Variants in TNRC18 observed in about 807,000 individuals in gnomAD.
TNRC18 encodes trinucleotide repeat-containing gene 18 protein.
Under a neutral mutation model 226.7 loss-of-function variants are expected in TNRC18, and 69 were observed. That is an observed-to-expected ratio of 0.30 (90% CI 0.25 to 0.37). The LOEUF (loss-of-function observed/expected upper bound fraction) is 0.37. Ranked by LOEUF, TNRC18 falls within the 10% of genes least tolerant of loss-of-function variation. TNRC18 has a pLI of 1.00. For synonymous variants in TNRC18, 2,449 were observed against 1,927.6 expected (o/e 1.27, Z -7.09); for missense variants, 4,754 against 4,256.6 (o/e 1.12, Z -3.25).
At chr7:5,393,011 C>CA (rs1344612844) in intron 3 of TNRC18, among the ~76,000 whole-genome samples, 5 of 151,998 alleles carry the variant, frequency 3.3e-5, no homozygotes, top group South Asian at 4.2e-4. Context: ...GACCCTGTCT[C>CA]AAAAAAAAGG....
chr7:5,402,067 T>C (rs1781134086), intron 2 of TNRC18, among the ~76,000 whole-genome samples: 1 of 150,820 alleles, frequency 6.6e-6, no homozygotes, highest in African/African-American at 2.4e-5. Flanking sequence ...TAGTCCCAGC[T>C]ACTCCGGAGG....
chr7:5,393,392 A>T (rs566952498), intron 3 of TNRC18, among the ~76,000 whole-genome samples: 1 of 152,338 alleles, frequency 6.6e-6, no homozygotes, highest in East Asian at 1.9e-4. Context: ...TACTGTAAGG[A>T]CTGGATGGGG....
In TNRC18 at chr7:5,315,156, G is replaced by A; in HGVS notation, c.6863-8C>T. 3 of 1,610,514 alleles carry A rather than the reference G, an allele frequency of 1.9e-6. No homozygotes were observed. Among genetic ancestry groups the A allele is most frequent in the Non-Finnish European group, 8.5e-7 (1 of 1,178,948 alleles). On this transcript the variant is annotated splice_polypyrimidine_tract_variant and splice_region_variant and intron_variant, in intron 25 of 29. Transcript: ENST00000430969. ...CCGGGGACGGCTCAGCACCTGTGGGGCAGAGGACAGAGTGGCTCATCAGGC... is the reference window on the plus strand; with the variant it reads ...CCGGGGACGGCTCAGCACCTGTGGGACAGAGGACAGAGTGGCTCATCAGGC...
rs762004224 is a variant in TNRC18 at position 5,343,474 on chromosome 7, G to T, written c.5719+2088C>A. Among the ~76,000 whole-genome samples, 7 of 152,338 alleles carry T rather than the reference G, an allele frequency of 4.6e-5. No homozygotes were observed. The South Asian group carries it at 6.2e-4, about 14-fold the overall frequency. On this transcript the variant is annotated intron_variant, in intron 18 of 29. Coordinates refer to ENST00000430969, the MANE Select transcript of TNRC18 (RefSeq NM_001080495.3). ...GTCTCATTCTCTTGCCTGGGCTTCAGTGCAGTGGCGCATTCTCGGCTCACT... is the reference window on the plus strand; with the variant it reads ...GTCTCATTCTCTTGCCTGGGCTTCATTGCAGTGGCGCATTCTCGGCTCACT...
chr7:5,378,873 T>C (rs939561746), intron 5 of TNRC18, among the ~76,000 whole-genome samples: 2 of 150,354 alleles, frequency 1.3e-5, no homozygotes, highest in Admixed American at 6.6e-5. Context: ...CAGGCCTGTG[T>C]GTCCCAAGAC....
chr7:5,416,416 A>C (rs1407115082), intron 2 of TNRC18, among the ~76,000 whole-genome samples: 1 of 152,200 alleles, frequency 6.6e-6, no homozygotes, highest in Non-Finnish European at 1.5e-5. Flanking sequence ...CTCCGTCTCA[A>C]AAAAAGAAAA....
intron 11 of TNRC18, among the ~76,000 whole-genome samples, chr7:5,365,943 T>C (rs1793571864): frequency 6.6e-6 from 1 of 152,124 alleles, no homozygotes; most frequent in Non-Finnish European, 1.5e-5. Context: ...TGGTGGCGCA[T>C]GCCTATAATG....
At chr7:5,320,179 C>T (rs1788204378) in intron 24 of TNRC18, 139 bp downstream of exon 24, 1 of 671,258 alleles carries the variant, frequency 1.5e-6, no homozygotes, top group South Asian at 1.8e-5. Flanking sequence ...TCCAATCATG[C>T]CTGAAGGCCA....
At chr7:5,334,420 C>A (rs1021720361) in intron 18 of TNRC18, among the ~76,000 whole-genome samples, 1 of 151,618 alleles carries the variant, frequency 6.6e-6, no homozygotes, top group Non-Finnish European at 1.5e-5. Context: ...CCTCAGCCTC[C>A]TGAGTAGCTG....
chr7:5,375,906 C>A (rs369302562), intron 9 of TNRC18, 128 bp downstream of exon 9: 4 of 963,392 alleles, frequency 4.2e-6, no homozygotes, highest in Admixed American at 2.7e-5. Flanking sequence ...GAAGCCCTCC[C>A]TGACCACCTG....
At chr7:5,344,797 G>C (rs77429588) in intron 18 of TNRC18, among the ~76,000 whole-genome samples, 9 of 152,238 alleles carry the variant, frequency 5.9e-5, no homozygotes, top group African/African-American at 2.2e-4. Context: ...GGTGAGCTGC[G>C]TCCGTGTGAG....
rs138887587 is a variant in TNRC18 at position 5,408,713 on chromosome 7, A to G, written c.187+12347T>C. Reference sequence around the variant, plus strand: ...AGACAAGAGATGTGCGGCCTGGCACAGTGGAGAGTGGGGAAAAGAAACACT... The same window carrying G: ...AGACAAGAGATGTGCGGCCTGGCACGGTGGAGAGTGGGGAAAAGAAACACT... On this transcript the variant is annotated intron_variant, in intron 2 of 29. Coordinates refer to ENST00000430969, the MANE Select transcript of TNRC18 (RefSeq NM_001080495.3). Among the ~76,000 whole-genome samples the G allele has an allele frequency of 1.4e-4, 21 of 152,332 alleles. No individual in the cohort carries two copies. The East Asian group carries it at 3.3e-3, about 24-fold the overall frequency.
chr7:5,344,647 G>T (rs906747861), intron 18 of TNRC18, among the ~76,000 whole-genome samples: 1 of 152,168 alleles, frequency 6.6e-6, no homozygotes, highest in Non-Finnish European at 1.5e-5. Context: ...CCTGCCAGGA[G>T]AGCCTCATAC....
In TNRC18 at chr7:5,359,488, C is replaced by A. The variant is rs749117130; in HGVS notation, c.4743G>T (p.Glu1581Asp). Residue 1581 changes from glutamate to aspartate, a missense_variant, in exon 15 of 30, where the codon GAG (glutamate) becomes GAT (aspartate). By Grantham distance (45) the Glu-to-Asp change is conservative. Coordinates refer to ENST00000430969, the MANE Select transcript of TNRC18 (RefSeq NM_001080495.3). The stretch of plus-strand genomic sequence containing the variant: ...CCATTCCGATGAGGGCATCATGTTC[C>A]TCCTCAGACCCCTTGTGTCTCTTTC... ...GIRKRHKGSE[E>D]EHDALIGMGK... 5.6e-5 allele frequency: 90 copies of A among 1,613,918 alleles called. No individual in the cohort carries two copies. In the South Asian group the frequency reaches 9.1e-4, roughly 16 times the overall value.
chr7:5,315,406 C>T (rs1004814516), intron 25 of TNRC18, among the ~76,000 whole-genome samples: 17 of 140,384 alleles, frequency 1.2e-4, no homozygotes, highest in African/African-American at 4.5e-4. Flanking sequence ...AAGATGCTGA[C>T]TTTTGTTGGG....
At chr7:5,383,452 A>G (rs1779538905) in intron 5 of TNRC18, among the ~76,000 whole-genome samples, 1 of 152,194 alleles carries the variant, frequency 6.6e-6, no homozygotes, top group Non-Finnish European at 1.5e-5. Context: ...TGTGCCCGTC[A>G]GCCCACCCAG....
chr7:5,401,233 G>C (rs923286163), intron 2 of TNRC18, among the ~76,000 whole-genome samples: 14 of 144,156 alleles, frequency 9.7e-5, no homozygotes, highest in African/African-American at 3.0e-4. Flanking sequence ...GAGTCGGGGG[G>C]GGGCGGGGGG....
chr7:5,375,564 G>A (rs531308997), intron 9 of TNRC18, among the ~76,000 whole-genome samples: 23 of 152,254 alleles, frequency 1.5e-4, no homozygotes, highest in African/African-American at 4.8e-4. Context: ...TGCACTACCT[G>A]GGCCGACTCC....
intron 11 of TNRC18, among the ~76,000 whole-genome samples, chr7:5,364,966 C>G (rs1196116451): frequency 6.6e-6 from 1 of 152,026 alleles, no homozygotes; most frequent in African/African-American, 2.4e-5. Context: ...GTCAAAAACA[C>G]TAGAATGCCA....
Sources: gnomAD v4.1 joint callset for allele counts (sites outside exome capture counted in the v4.1 genomes callset) on GRCh38, gnomAD v4.1.1 for gene constraint, MANE v1.5 for transcripts, NCBI Gene and HGNC (gene_info 2026-07-23, HGNC 2026-07-21) for gene names.